TRRAP: variants seen among roughly 807,000 people sequenced by gnomAD.
TRRAP encodes transformation/transcription domain associated protein, also known as transformation/transcription domain-associated protein.
Under a neutral mutation model 438.8 loss-of-function variants are expected in TRRAP, and 41 were observed. That is an observed-to-expected ratio of 0.09 (90% CI 0.07 to 0.12). TRRAP has a LOEUF of 0.12. Among genes scored for constraint, TRRAP ranks in the 10% least tolerant of loss-of-function variants. TRRAP has a pLI of 1.00. For synonymous variants in TRRAP, 1,994 were observed against 1,962.9 expected (o/e 1.02, Z -0.42); for missense variants, 3,122 against 5,055.1 (o/e 0.62, Z 11.60).
chr7:98,964,696 C>A lies in TRRAP; in HGVS notation c.6897C>A (p.Val2299=). 2 of 1,614,054 alleles carry A rather than the reference C, an allele frequency of 1.2e-6. No individual in the cohort carries two copies. Among genetic ancestry groups the A allele is most frequent in the Non-Finnish European group, 8.5e-7 (1 of 1,180,004 alleles). The part of the protein sequence containing the change: ...NPSYIDRLIS[V]FMRSLQKMVR... ...GCTACATAGACAGGCTGATCTCCGT[C>A]TTTATGCGCTCCCTGCAGAAGATGG... Residue 2299 remains valine (V), a synonymous_variant, in exon 48 of 73, where the codon GTC becomes GTA. Transcript: ENST00000456197.
chr7:99,012,395 C>T lies in TRRAP; in HGVS notation c.*40C>T, dbSNP rs771403244. The T allele has an allele frequency of 1.0e-4, 155 of 1,541,082 alleles. No individual in the cohort carries two copies. Among genetic ancestry groups the T allele is most frequent in the Admixed American group, 6.2e-4 (32 of 51,320 alleles). Reference sequence around the variant, plus strand: ...GCCACCCGGAATGTGAAGGGCGCTCCGGGCTCTGAGCCCGCAGCTTTTACG... The same window carrying T: ...GCCACCCGGAATGTGAAGGGCGCTCTGGGCTCTGAGCCCGCAGCTTTTACG... On this transcript the variant is annotated 3_prime_UTR_variant, in exon 73 of 73. Transcript: ENST00000456197. The surrounding 1 kb of genome is among the most constrained non-coding windows in gnomAD (Gnocchi z 5.9).
intron 31 of TRRAP, among the ~76,000 whole-genome samples, chr7:98,944,786 A>G (rs1485406865): frequency 6.6e-6 from 1 of 152,188 alleles, no homozygotes; most frequent in East Asian, 1.9e-4. Context: ...TTGACTAAAG[A>G]AATAAGTCAA....
intron 45 of TRRAP, 136 bp from the exon 46 acceptor site, chr7:98,961,125 T>C: frequency 1.4e-6 from 1 of 729,472 alleles, no homozygotes; most frequent in East Asian, 2.5e-5. Flanking sequence ...AATACGATTG[T>C]CATTCTCTAG....
At chr7:98,949,891 G>A in intron 37 of TRRAP, 50 bp downstream of exon 37, 1 of 1,587,174 alleles carries the variant, frequency 6.3e-7, no homozygotes, top group Non-Finnish European at 8.6e-7. Context: ...TGTCCCAAAA[G>A]CTCAGCCAGA....
chr7:98,936,790 G>C (rs60391457), intron 28 of TRRAP, among the ~76,000 whole-genome samples: 4,560 of 152,234 alleles, frequency 0.03, 232 homozygotes, highest in African/African-American at 0.1. Context: ...ATTTATCATG[G>C]CTTTTCTGGC....
intron 37 of TRRAP, 93 bp downstream of exon 37, chr7:98,949,934 T>C (rs1252897236): frequency 3.0e-5 from 47 of 1,568,050 alleles, no homozygotes; most frequent in Non-Finnish European, 3.9e-5. Context: ...GCTGTGGTCA[T>C]TGGATGCGTG....
chr7:98,965,916 A>G (rs746308558), intron 49 of TRRAP, 21 bp downstream of exon 49: 8 of 1,613,042 alleles, frequency 5.0e-6, no homozygotes, highest in African/African-American at 2.7e-5. Context: ...ACGGTGTGCC[A>G]TGTGATCTCC....
intron 46 of TRRAP, 121 bp from the exon 47 acceptor site, chr7:98,962,181 G>C: frequency 6.8e-7 from 1 of 1,465,864 alleles, no homozygotes; most frequent in Non-Finnish European, 9.4e-7. Flanking sequence ...TGTCCTGCAG[G>C]GAGAGAAGTG....
chr7:98,909,342 A>G (rs1464850074), intron 14 of TRRAP, among the ~76,000 whole-genome samples: 5 of 152,166 alleles, frequency 3.3e-5, no homozygotes, highest in African/African-American at 1.2e-4. Context: ...AACTTGAACC[A>G]GTGCTGTAGG....
At position 98,890,329 on chromosome 7, in the gene TRRAP, A is replaced by G. The variant is rs1554404620; in HGVS notation, c.151-6A>G. The G allele has an allele frequency of 6.6e-7, 1 of 1,525,330 alleles. No homozygotes were observed. The highest frequency in any genetic ancestry group is 1.3e-5 in the South Asian group (1 of 76,492). The allele number at this position is 1,525,330 out of a possible 1,614,324, so 94.5% of individuals were successfully genotyped here. ...TGAATGGGGTCTTTTATTTTTGCAC[A>G]ATTAGAATGTCACGTCATCTCCTCA... On this transcript the variant is annotated splice_region_variant and splice_polypyrimidine_tract_variant and intron_variant, in intron 3 of 72. Coordinates refer to ENST00000456197, the MANE Select transcript of TRRAP (RefSeq NM_001375524.1).
In TRRAP at chr7:99,004,179, T is replaced by G; in HGVS notation, c.10310-11T>G. ...GACTAAAAACGTTTTTAATCATGTT[T>G]TATTTTTAAGATTTTGACTTCAGCG... On this transcript the variant is annotated splice_polypyrimidine_tract_variant and intron_variant, in intron 67 of 72. Coordinates refer to ENST00000456197, the MANE Select transcript of TRRAP (RefSeq NM_001375524.1). The G allele has an allele frequency of 6.2e-7, 1 of 1,603,842 alleles. No homozygotes were observed. Among genetic ancestry groups the G allele is most frequent in the East Asian group, 2.2e-5 (1 of 44,850 alleles).
chr7:98,959,782 G>T (rs1174958263), intron 45 of TRRAP, among the ~76,000 whole-genome samples: 2 of 151,980 alleles, frequency 1.3e-5, no homozygotes, highest in African/African-American at 4.8e-5. Context: ...CAGAAAATTA[G>T]CTGGGCATGA....
At chr7:98,973,454 G>A (rs1483643167) in intron 53 of TRRAP, among the ~76,000 whole-genome samples, 2 of 152,178 alleles carry the variant, frequency 1.3e-5, no homozygotes, top group African/African-American at 4.8e-5. Flanking sequence ...GCAGTATGTT[G>A]TGCGAGGGGT....
At chr7:98,968,944 C>T (rs1209358084) in intron 51 of TRRAP, among the ~76,000 whole-genome samples, 1 of 152,214 alleles carries the variant, frequency 6.6e-6, no homozygotes, top group Non-Finnish European at 1.5e-5. Flanking sequence ...AGACAGACGA[C>T]ATATTGGCTG....
chr7:99,004,931 G>A (rs999919568), intron 68 of TRRAP, among the ~76,000 whole-genome samples, 200 bp from the exon 69 acceptor site: 3 of 151,988 alleles, frequency 2.0e-5, no homozygotes, highest in Admixed American at 6.6e-5. Context: ...CTTGACTTCC[G>A]TCCGTGGCTG....
intron 67 of TRRAP, among the ~76,000 whole-genome samples, chr7:98,996,313 A>G (rs2116823224): frequency 6.6e-6 from 1 of 152,204 alleles, no homozygotes; most frequent in South Asian, 2.1e-4. Context: ...CTTACTCCTC[A>G]TTCAGCCTCC....
rs34983214 is a variant in TRRAP, at chr7:98,961,299, G to A, written c.6528G>A (p.Thr2176=). 2,165 of 1,614,148 alleles carry A rather than the reference G, an allele frequency of 1.3e-3. 24 individuals carry two copies. In the African/African-American group the frequency reaches 0.021, roughly 16 times the overall value. ...PNQVNYGNIC[T]GLEVLSFLLT... is the part of the protein sequence containing the mutation. The stretch of plus-strand genomic sequence containing the variant: ...AAGTGAACTATGGGAATATCTGCAC[G>A]GGCCTAGAAGTGCTGAGCTTCCTGC... Residue 2176 remains threonine, a synonymous_variant, in exon 46 of 73, where the codon ACG becomes ACA. Coordinates refer to ENST00000456197, the MANE Select transcript of TRRAP (RefSeq NM_001375524.1).
intron 30 of TRRAP, among the ~76,000 whole-genome samples, chr7:98,941,086 G>T (rs1335358215): frequency 6.6e-6 from 1 of 152,104 alleles, no homozygotes; most frequent in Admixed American, 6.5e-5. Flanking sequence ...ATTAGATAAT[G>T]GTCCAACTTC....
intron 39 of TRRAP, 59 bp downstream of exon 39, chr7:98,951,063 G>C: frequency 8.5e-7 from 1 of 1,175,960 alleles, no homozygotes; most frequent in Non-Finnish European, 1.1e-6. Context: ...GAACATCTGT[G>C]TGTGTGTGTG....
Sources: gnomAD v4.1 joint callset for allele counts (sites outside exome capture counted in the v4.1 genomes callset) on GRCh38, gnomAD v4.1.1 for gene constraint, Gnocchi (gnomAD v3.1) non-coding constraint, MANE v1.5 for transcripts, NCBI Gene and HGNC (gene_info 2026-07-23, HGNC 2026-07-21) for gene names.